The following SQOR variants were observed in gnomAD, a reference collection of about 807,000 sequenced individuals.
The protein encoded by SQOR is sulfide quinone oxidoreductase.
A neutral mutation model predicts 48.6 loss-of-function variants in SQOR; 39 were observed. The observed-to-expected ratio is 0.80, with a 90% confidence interval of 0.62 to 1.05. The LOEUF is 1.05. Ranked by LOEUF, SQOR falls within the 50% of genes least tolerant of loss-of-function variation. The pLI is 0.00. For missense variants in SQOR, 561 were observed against 559.9 expected, an observed-to-expected ratio of 1.00 and a Z score of -0.02; for synonymous variants, 220 against 206.2, an observed-to-expected ratio of 1.07 and a Z score of -0.57.
In SQOR at chr15:45,669,788, G is replaced by C. The variant is rs547787348; in HGVS notation, c.406-140G>C. 8.3e-6 allele frequency: 6 copies of C among 719,252 alleles called. No individual in the cohort carries two copies. The South Asian group carries it at 8.7e-5, about 10-fold the overall frequency. The allele number at this position is 719,252 out of a possible 1,614,324, so 44.6% of individuals were successfully genotyped here. A position where few individuals can be genotyped will look rare whatever the true frequency, so the allele number is the denominator to read the frequency against. ...AGGACTCCCAACCTTGTTCTGCTTC[G>C]ATTTTCTCATCTGTTCTATGGGCTA... On this transcript the variant is annotated intron_variant, in intron 3 of 9. Coordinates refer to ENST00000260324, the MANE Select transcript of SQOR (RefSeq NM_021199.4).
chr15:45,678,872 G>A (rs1007757317), intron 6 of SQOR, among the ~76,000 whole-genome samples: 2 of 152,162 alleles, frequency 1.3e-5, no homozygotes, highest in Non-Finnish European at 2.9e-5. Flanking sequence ...TGGGCTATGA[G>A]TGAGAGCTCA....
chr15:45,656,207 G>A (rs1889608000), intron 1 of SQOR, among the ~76,000 whole-genome samples: 1 of 152,132 alleles, frequency 6.6e-6, no homozygotes, highest in South Asian at 2.1e-4. Flanking sequence ...TGTTAAATGG[G>A]AATGATGGTG....
At chr15:45,662,433 A>T (rs890854718) in intron 3 of SQOR, among the ~76,000 whole-genome samples, 2 of 152,204 alleles carry the variant, frequency 1.3e-5, no homozygotes, top group African/African-American at 4.8e-5. Context: ...ATACGTTGCT[A>T]CATGTTAAAA....
intron 3 of SQOR, among the ~76,000 whole-genome samples, chr15:45,663,220 T>G (rs1335800243): frequency 6.6e-6 from 1 of 152,100 alleles, no homozygotes; most frequent in African/African-American, 2.4e-5. Context: ...GGTTTTACCA[T>G]GTTGGCCAGG....
chr15:45,678,079 A>G (rs567032021), intron 6 of SQOR, among the ~76,000 whole-genome samples: 7 of 152,304 alleles, frequency 4.6e-5, no homozygotes, highest in Admixed American at 3.3e-4. Context: ...TTGCAAGCAT[A>G]CAGTGTTCAT....
At chr15:45,689,285 C>A in intron 9 of SQOR, 68 bp downstream of exon 9, 2 of 1,509,752 alleles carry the variant, frequency 1.3e-6, no homozygotes, top group South Asian at 1.2e-5. Flanking sequence ...AAAGGGGATG[C>A]AGCCTCTTTT....
intron 1 of SQOR, among the ~76,000 whole-genome samples, chr15:45,650,485 G>C (rs977403633): frequency 6.6e-6 from 1 of 152,224 alleles, no homozygotes; most frequent in African/African-American, 2.4e-5. Flanking sequence ...GGTAATGCCA[G>C]TGTGGACTCA....
intron 1 of SQOR, among the ~76,000 whole-genome samples, chr15:45,651,289 G>A (rs1382890304): frequency 6.6e-6 from 1 of 152,224 alleles, no homozygotes; most frequent in Non-Finnish European, 1.5e-5. Context: ...GCACCAGCCT[G>A]CCACTCCAAG....
chr15:45,673,653 AT>A lies in SQOR; in HGVS notation c.508del (p.Tyr170IlefsTer6). 1 of 1,614,230 alleles carries A rather than the reference AT, an allele frequency of 6.2e-7. No individual in the cohort carries two copies. Among genetic ancestry groups the A allele is most frequent in the Non-Finnish European group, 8.5e-7 (1 of 1,180,038 alleles). ...TTCGCTCATCCCAAAATAGGGTCGA[AT>A]TATTCAGTTAAGACTGTAGAGAAGA... ...EGFAHPKIGS[N>X]YSVKTVEKTW... On this transcript the variant is annotated frameshift_variant, in exon 5 of 10. Transcript: ENST00000260324. LOFTEE classifies it high-confidence loss of function.
intron 1 of SQOR, among the ~76,000 whole-genome samples, chr15:45,641,955 C>T (rs923582308): frequency 1.2e-4 from 19 of 152,180 alleles, no homozygotes; most frequent in Admixed American, 1.3e-4. Context: ...ATTCAGACCC[C>T]ACCCTCACTG....
intron 2 of SQOR, among the ~76,000 whole-genome samples, chr15:45,661,397 T>C (rs1428955419): frequency 6.6e-6 from 1 of 151,796 alleles, no homozygotes; most frequent in African/African-American, 2.4e-5. Flanking sequence ...TGGTACTTAT[T>C]GTCTTTGGTG....
In SQOR at chr15:45,676,208, C is replaced by A; in HGVS notation, c.762C>A (p.Asn254Lys). The A allele has an allele frequency of 6.2e-7, 1 of 1,614,132 alleles. No individual in the cohort carries two copies. Among genetic ancestry groups the A allele is most frequent in the Non-Finnish European group, 8.5e-7 (1 of 1,180,020 alleles). Residue 254 changes from asparagine to lysine, a missense_variant, in exon 6 of 10, where the codon AAC becomes AAA. Asn to Lys is a moderately conservative substitution (Grantham distance 94, BLOSUM62 0). Transcript: ENST00000260324. ...DALQEIIQERNLTVNYKKNLI... is the reference protein window; with the variant it reads ...DALQEIIQERKLTVNYKKNLI... ...TGCAGGAGATCATCCAGGAGCGGAA[C>A]CTCACTGTTAACTACAAGAAAAACC...
rs561942126 is a variant in SQOR at position 45,685,281 on chromosome 15, A to G, written c.1048+2620A>G. Among the ~76,000 whole-genome samples the G allele has an allele frequency of 3.3e-5, 5 of 152,134 alleles. 1 individual carries two copies. The highest frequency in any genetic ancestry group is 1.2e-4 in the African/African-American group (5 of 41,468). ...ATTTCTTCTTAGATTCCCTTCCCCA[A>G]ATCCTCTGAGTATCCCAAGGCAATG... On this transcript the variant is annotated intron_variant, in intron 7 of 9. Transcript: ENST00000260324.
chr15:45,642,158 CTT>C (rs1488911672), intron 1 of SQOR, among the ~76,000 whole-genome samples: 4 of 152,342 alleles, frequency 2.6e-5, no homozygotes, highest in Admixed American at 6.5e-5. Flanking sequence ...CCTGGGGACT[CTT>C]TATAAATCCA....
At chr15:45,678,740 T>A (rs1890077597) in intron 6 of SQOR, among the ~76,000 whole-genome samples, 1 of 152,176 alleles carries the variant, frequency 6.6e-6, no homozygotes, top group Admixed American at 6.6e-5. Flanking sequence ...GCTGTTTGTT[T>A]TTTGTGTGTC....
intron 1 of SQOR, among the ~76,000 whole-genome samples, chr15:45,649,737 C>T (rs1889429579): frequency 6.6e-6 from 1 of 152,132 alleles, no homozygotes; most frequent in South Asian, 2.1e-4. Flanking sequence ...CCTGACTTGG[C>T]CTACCAAAGT....
In SQOR at chr15:45,676,171, AT is replaced by A; in HGVS notation, c.726del (p.Tyr242Ter). On this transcript the variant is annotated frameshift_variant, in exon 6 of 10. Transcript: ENST00000260324. LOFTEE classifies it high-confidence loss of function. ...SLGAIFGVKKYADALQEIIQE... is the reference protein window; with the variant it reads ...SLGAIFGVKKXADALQEIIQE... The stretch of plus-strand genomic sequence containing the variant: ...GGAGCCATTTTCGGGGTTAAGAAGT[AT>A]GCAGATGCCCTGCAGGAGATCATCC... 1 of 1,614,226 alleles carries A rather than the reference AT, an allele frequency of 6.2e-7. No individual in the cohort carries two copies.
At position 45,667,231 on chromosome 15, in the gene SQOR, G is replaced by A. The variant is rs544213234; in HGVS notation, c.406-2697G>A. Among the ~76,000 whole-genome samples the A allele has an allele frequency of 2.7e-5, 4 of 146,752 alleles. No individual in the cohort carries two copies. The East Asian group carries it at 8.3e-4, about 31-fold the overall frequency. On this transcript the variant is annotated intron_variant, in intron 3 of 9. Transcript: ENST00000260324. ...CAGCTCACTGCTCCTTGAACTCTTG[G>A]GCTCAAGAGTTCTGAGCCGATCTAC...
Position 45,662,179 on chromosome 15 carries a change from G to T in SQOR, c.405+54G>T. 1.9e-6 allele frequency: 3 copies of T among 1,586,912 alleles called. No homozygotes were observed. In the East Asian group the frequency reaches 6.7e-5, roughly 36 times the overall value. ...TTAATCTGACAGCTTGTATTAATAT[G>T]CAGCCATCTTAAACTGGATAGCCTT... On this transcript the variant is annotated intron_variant, in intron 3 of 9. Coordinates refer to ENST00000260324, the MANE Select transcript of SQOR (RefSeq NM_021199.4).
Sources: gnomAD v4.1 joint callset for allele counts (sites outside exome capture counted in the v4.1 genomes callset) on GRCh38, gnomAD v4.1.1 for gene constraint, MANE v1.5 for transcripts, NCBI Gene and HGNC (gene_info 2026-07-23, HGNC 2026-07-21) for gene names.